Variants in USP10 observed in about 807,000 individuals in gnomAD.
USP10 encodes ubiquitin carboxyl-terminal hydrolase 10.
USP10 carries 22 observed loss-of-function variants against 84.5 expected under a neutral mutation model. The ratio of observed to expected loss-of-function variants is 0.26; its 90% CI spans 0.19 to 0.37. The LOEUF is 0.37. USP10 is among the 10% of genes least tolerant of loss of function. USP10 has a pLI of 1.00. For synonymous variants in USP10, 454 were observed against 387.6 expected (o/e 1.17, Z -2.01); for missense variants, 1,019 against 998.9 (o/e 1.02, Z -0.27).
In USP10 at chr16:84,779,842, G is replaced by A. The variant is rs148257588; in HGVS notation, c.*760G>A. On this transcript the variant is annotated 3_prime_UTR_variant, in exon 14 of 14. Coordinates refer to ENST00000219473, the MANE Select transcript of USP10 (RefSeq NM_005153.3). ...GCTGTCTGCTCTTCTCTAATGCTGC[G>A]TCCCTAATTGTACACAGTTTAGTGA... The A allele has an allele frequency of 8.5e-4, 129 of 152,460 alleles. No individual in the cohort carries two copies. The highest frequency in any genetic ancestry group is 2.8e-3 in the African/African-American group (118 of 41,550). 9.4% of individuals were successfully genotyped at this position (152,460 alleles called of 1,614,324 possible). A position where few individuals can be genotyped will look rare whatever the true frequency, so the allele number is the denominator to read the frequency against.
chr16:84,725,057 TTG>T (rs1449997862), intron 1 of USP10, among the ~76,000 whole-genome samples: 1 of 152,216 alleles, frequency 6.6e-6, no homozygotes, highest in Non-Finnish European at 1.5e-5. Flanking sequence ...GCTGTGGAGT[TTG>T]TGTATTTGAA....
intron 11 of USP10, among the ~76,000 whole-genome samples, chr16:84,769,993 C>T (rs1914259472): frequency 6.6e-6 from 1 of 152,170 alleles, no homozygotes; most frequent in African/African-American, 2.4e-5. Context: ...CCCTTAGTCC[C>T]AGCACTTTGG....
At chr16:84,727,019 A>T (rs1908578609) in intron 1 of USP10, among the ~76,000 whole-genome samples, 2 of 152,242 alleles carry the variant, frequency 1.3e-5, no homozygotes, top group African/African-American at 4.8e-5. Flanking sequence ...GGGCAGAGTT[A>T]GCCGCAGCAG....
chr16:84,746,155 C>G lies in USP10; in HGVS notation c.1192+482C>G, dbSNP rs114592763. Among the ~76,000 whole-genome samples the G allele has an allele frequency of 6.8e-3, 635 of 92,836 alleles. 4 individuals are homozygous for G. Among genetic ancestry groups the G allele is most frequent in the African/African-American group, 0.029 (598 of 20,888 alleles). The allele number at this position is 92,836 out of a possible 152,430, so 60.9% of individuals were successfully genotyped here. On this transcript the variant is annotated intron_variant, in intron 4 of 13. Transcript: ENST00000219473. ...CAGAATTTTGATACACCAAGGTCAGCTCTTGAAGAGAAAAAAAATGTTAAG... is the reference window on the plus strand; with the variant it reads ...CAGAATTTTGATACACCAAGGTCAGGTCTTGAAGAGAAAAAAAATGTTAAG...
intron 1 of USP10, among the ~76,000 whole-genome samples, chr16:84,718,948 G>A (rs767099986): frequency 4.0e-5 from 6 of 151,360 alleles, no homozygotes; most frequent in South Asian, 2.1e-4. Flanking sequence ...GCCCGCCACC[G>A]CACCCAGCTA....
intron 1 of USP10, among the ~76,000 whole-genome samples, chr16:84,702,202 G>T (rs1054636114): frequency 6.6e-6 from 1 of 151,254 alleles, no homozygotes; most frequent in Non-Finnish European, 1.5e-5. Flanking sequence ...GATTACAGGC[G>T]CCCACCACCA....
intron 4 of USP10, among the ~76,000 whole-genome samples, chr16:84,751,160 A>G (rs952853405): frequency 6.6e-6 from 1 of 152,206 alleles, no homozygotes; most frequent in African/African-American, 2.4e-5. Context: ...GGTATTCAGT[A>G]CACAACATGC....
rs1906785690 is a variant in USP10, at chr16:84,714,797, G to T, written c.21+14686G>T. Among the ~76,000 whole-genome samples the T allele has an allele frequency of 4.6e-5, 7 of 151,570 alleles. No homozygotes were observed. In the South Asian group the frequency reaches 1.5e-3, roughly 32 times the overall value. On this transcript the variant is annotated intron_variant, in intron 1 of 13. Transcript: ENST00000219473. ...TGAAGGGAGAGAGATATTTTGCTAA[G>T]GGATATTAAGAAGATACTTAGTGGA...
intron 1 of USP10, chr16:84,732,546 A>T: frequency 2.7e-6 from 1 of 365,880 alleles, no homozygotes; most frequent in African/African-American, 2.3e-5. Flanking sequence ...TCCCTGGTTC[A>T]AGCAATTCTC....
At chr16:84,731,015 C>T (rs1567608449) in intron 1 of USP10, among the ~76,000 whole-genome samples, 2 of 126,548 alleles carry the variant, frequency 1.6e-5, no homozygotes, top group Non-Finnish European at 1.6e-5. Context: ...GAATCTCTCT[C>T]TGTCAGCAGG....
intron 13 of USP10, among the ~76,000 whole-genome samples, chr16:84,778,523 G>C (rs1006874766): frequency 2.0e-5 from 3 of 152,118 alleles, no homozygotes; most frequent in Admixed American, 1.3e-4. Context: ...ATCTCTTCAG[G>C]ACAGTCTAGA....
chr16:84,720,836 C>T (rs56345464), intron 1 of USP10, among the ~76,000 whole-genome samples: 2,608 of 150,316 alleles, frequency 0.017, 77 homozygotes, highest in African/African-American at 0.061. Flanking sequence ...CCCACCTCGA[C>T]GTCGCAAAGT....
At chr16:84,768,533 C>T (rs1914099820) in intron 11 of USP10, among the ~76,000 whole-genome samples, 175 bp downstream of exon 11, 1 of 152,118 alleles carries the variant, frequency 6.6e-6, no homozygotes, top group Non-Finnish European at 1.5e-5. Context: ...AAACGTGATC[C>T]CAAGGGCCTC....
chr16:84,741,938 A>T (rs574678554), intron 3 of USP10, among the ~76,000 whole-genome samples: 1 of 152,230 alleles, frequency 6.6e-6, no homozygotes, highest in South Asian at 2.1e-4. Context: ...CCCTCAGTAC[A>T]TTTGTTGGAT....
At chr16:84,770,662 C>A (rs1300853665) in intron 11 of USP10, among the ~76,000 whole-genome samples, 1 of 151,626 alleles carries the variant, frequency 6.6e-6, no homozygotes, top group African/African-American at 2.4e-5. Flanking sequence ...ATCCCAGCTA[C>A]TCAGGAGGCT....
rs11418398 is a variant in USP10 at position 84,777,208 on chromosome 16, C to CA, written c.2210-1686dup. On this transcript the variant is annotated intron_variant, in intron 13 of 13. Transcript: ENST00000219473. Reference sequence around the variant, plus strand: ...CAGGGGGGCTTGCAGGTGTGAGTGACACACGGCTCAGCCCAGGGTAGTTAA... The same window carrying CA: ...CAGGGGGGCTTGCAGGTGTGAGTGACAACACGGCTCAGCCCAGGGTAGTTAA... 9.1e-3 allele frequency among the ~76,000 whole-genome samples: 1,381 copies of CA among 152,328 alleles called. 23 individuals carry two copies. The highest frequency in any genetic ancestry group is 0.032 in the African/African-American group (1,332 of 41,572).
intron 1 of USP10, among the ~76,000 whole-genome samples, chr16:84,708,113 C>T (rs1000036949): frequency 2.0e-5 from 3 of 151,740 alleles, no homozygotes; most frequent in Admixed American, 2.0e-4. Flanking sequence ...TTGAAGACTT[C>T]CACCCCCTTA....
chr16:84,740,230 A>G, intron 2 of USP10, 79 bp from the exon 3 acceptor site: 2 of 1,312,540 alleles, frequency 1.5e-6, no homozygotes, highest in South Asian at 2.5e-5. Flanking sequence ...GTTTTAATGA[A>G]TTGTTGCCTT....
intron 4 of USP10, among the ~76,000 whole-genome samples, chr16:84,757,402 G>GGGTGGGTGTGT (rs1912701298): frequency 1.2e-5 from 1 of 82,810 alleles, no homozygotes; most frequent in East Asian, 2.7e-4. Flanking sequence ...GAGGGGTGGG[G>GGGTGGGTGTGT]GTGTGTGTGT....
Sources: gnomAD v4.1 joint callset for allele counts (sites outside exome capture counted in the v4.1 genomes callset) on GRCh38, gnomAD v4.1.1 for gene constraint, MANE v1.5 for transcripts, NCBI Gene and HGNC (gene_info 2026-07-23, HGNC 2026-07-21) for gene names.